The following CMPK2 variants were observed in gnomAD, a reference collection of about 807,000 sequenced individuals.
CMPK2 encodes cytidine/uridine monophosphate kinase 2.
CMPK2 carries 32 observed loss-of-function variants against 33.4 expected under a neutral mutation model. The ratio of observed to expected loss-of-function variants is 0.96; its 90% CI spans 0.72 to 1.29. The LOEUF (loss-of-function observed/expected upper bound fraction) is 1.29. CMPK2 is among the 50% of genes most tolerant of loss of function. The pLI, the probability that CMPK2 is intolerant of heterozygous loss-of-function variation, is 0.00. For missense variants in CMPK2, 672 were observed against 616.0 expected, an observed-to-expected ratio of 1.09 and a Z score of -0.96; for synonymous variants, 299 against 275.3, an observed-to-expected ratio of 1.09 and a Z score of -0.85.
At chr2:6,851,327 T>C in intron 4 of CMPK2, 123 bp downstream of exon 4, 2 of 1,508,780 alleles carry the variant, frequency 1.3e-6, no homozygotes, top group Non-Finnish European at 1.8e-6. Context: ...TTAGAGGATG[T>C]TGTCTCTTGT....
At chr2:6,859,945 A>G (rs1406759168) in intron 3 of CMPK2, among the ~76,000 whole-genome samples, 1 of 152,216 alleles carries the variant, frequency 6.6e-6, no homozygotes, top group African/African-American at 2.4e-5. Context: ...GGGGGGCTAT[A>G]CCCTGCAAAG....
chr2:6,853,245 C>T (rs573660349), intron 3 of CMPK2, among the ~76,000 whole-genome samples: 8 of 152,244 alleles, frequency 5.3e-5, no homozygotes, highest in South Asian at 2.1e-4. Flanking sequence ...GTACCATGCC[C>T]GGCCCAATTC....
At chr2:6,845,106 C>T (rs576748514), downstream of CMPK2, among the ~76,000 whole-genome samples, 1 of 152,158 alleles carries the variant, frequency 6.6e-6, no homozygotes, top group African/African-American at 2.4e-5. Context: ...TGGGTTGTCT[C>T]GCAGGGCAAA....
intron 1 of CMPK2, chr2:6,864,300 C>A (rs909301879): frequency 1.3e-5 from 2 of 152,130 alleles, no homozygotes; most frequent in African/African-American, 4.8e-5. Flanking sequence ...CTAATAAATG[C>A]CAGAGTTTAA....
intron 3 of CMPK2, among the ~76,000 whole-genome samples, chr2:6,854,845 A>C (rs1377566079): frequency 6.6e-6 from 1 of 152,094 alleles, no homozygotes; most frequent in Non-Finnish European, 1.5e-5. Flanking sequence ...TAGGCAGGGA[A>C]GGGGGCATGA....
chr2:6,854,020 GAA>G (rs1662609490), intron 3 of CMPK2, among the ~76,000 whole-genome samples: 1 of 152,124 alleles, frequency 6.6e-6, no homozygotes, highest in Admixed American at 6.5e-5. Context: ...CAGCTCCTGT[GAA>G]TTCTGCCTGG....
intron 3 of CMPK2, among the ~76,000 whole-genome samples, chr2:6,852,331 T>A (rs1027924199): frequency 6.6e-6 from 1 of 152,194 alleles, no homozygotes; most frequent in Non-Finnish European, 1.5e-5. Context: ...GTTATTACCA[T>A]ACACAAAAGT....
chr2:6,861,497 T>TAACA, intron 2 of CMPK2, 112 bp from the exon 3 acceptor site: 1 of 757,128 alleles, frequency 1.3e-6, no homozygotes, highest in Non-Finnish European at 2.2e-6. Context: ...GTAGACTAAA[T>TAACA]AACAGGATTC....
In CMPK2 at chr2:6,865,824, G is replaced by A; in HGVS notation, c.-128C>T. The A allele has an allele frequency of 1.6e-6, 2 of 1,271,232 alleles. No individual in the cohort carries two copies. The highest frequency in any genetic ancestry group is 2.0e-6 in the Non-Finnish European group (2 of 1,007,670). 78.7% of individuals were successfully genotyped at this position (1,271,232 alleles called of 1,614,324 possible). A position where few individuals can be genotyped will look rare whatever the true frequency, so the allele number is the denominator to read the frequency against. On this transcript the variant is annotated 5_prime_UTR_variant, in exon 1 of 5. Transcript: ENST00000256722. ...GGGAAACGAAAGCGAAGCGTTGCGG[G>A]GAAACGAAAGCCGGAGGCCCAGGCG...
intron 3 of CMPK2, among the ~76,000 whole-genome samples, chr2:6,843,108 G>T (rs759482788): frequency 6.6e-6 from 1 of 152,186 alleles, no homozygotes; most frequent in Non-Finnish European, 1.5e-5. Flanking sequence ...CCAAACAAGT[G>T]GGGGCTGTCT....
chr2:6,842,107 C>T (rs1662248254), intron 3 of CMPK2, among the ~76,000 whole-genome samples: 1 of 152,130 alleles, frequency 6.6e-6, no homozygotes, highest in South Asian at 2.1e-4. Flanking sequence ...CTACAGGTTC[C>T]TTGTTCTATA....
At chr2:6,850,988 T>C in intron 4 of CMPK2, 1 of 1,005,924 alleles carries the variant, frequency 9.9e-7, no homozygotes, top group Non-Finnish European at 1.2e-6. Flanking sequence ...GACAAATCAC[T>C]TAATCCTTTG....
At chr2:6,845,853 C>T (rs1218274892), downstream of CMPK2, among the ~76,000 whole-genome samples, 3 of 152,128 alleles carry the variant, frequency 2.0e-5, no homozygotes, top group Non-Finnish European at 2.9e-5. Context: ...AGAACAGGTG[C>T]CTCAAATGAG....
rs1347334757 is a variant in CMPK2 at position 6,848,527 on chromosome 2, C to T, written c.*1323G>A. 2.9e-5 allele frequency: 27 copies of T among 947,166 alleles called. No individual in the cohort carries two copies. Among genetic ancestry groups the T allele is most frequent in the Admixed American group, 1.2e-4 (2 of 16,222 alleles). The allele number at this position is 947,166 out of a possible 1,614,324, so 58.7% of individuals were successfully genotyped here. A position where few individuals can be genotyped will look rare whatever the true frequency, so the allele number is the denominator to read the frequency against. ...CTGAAATCAATTACATTTTAATATA[C>T]ACATATTATATAGAAATTACCTATA... On this transcript the variant is annotated 3_prime_UTR_variant, in exon 5 of 5. Coordinates refer to ENST00000256722, the MANE Select transcript of CMPK2 (RefSeq NM_207315.4).
chr2:6,852,449 C>T (rs1025464190), intron 3 of CMPK2, among the ~76,000 whole-genome samples: 8 of 152,172 alleles, frequency 5.3e-5, no homozygotes, highest in African/African-American at 1.7e-4. Flanking sequence ...ACCTGCTTAC[C>T]TTTTCCTCTG....
downstream of CMPK2, among the ~76,000 whole-genome samples, chr2:6,846,998 GGTGAAGTTGGA>G (rs1662377706): frequency 6.6e-6 from 1 of 152,164 alleles, no homozygotes; most frequent in South Asian, 2.1e-4. Context: ...AGACAACAAG[GGTGAAGTTGGA>G]GTGAAACTTT....
Position 6,865,175 on chromosome 2 carries a change from C to G in CMPK2, c.522G>C (p.Gln174His), listed in dbSNP as rs771226120. ...TGCCGTCTTGCACCTCCCAGAGGCGCTGCCACAGCTGGCCGCGCGGGTCGG... is the reference window on the plus strand; with the variant it reads ...TGCCGTCTTGCACCTCCCAGAGGCGGTGCCACAGCTGGCCGCGCGGGTCGG... ...FEADPRGQLW[Q>H]RLWEVQDGRR... The change falls in exon 1 of 5, where the codon CAG becomes CAC. Residue 174 changes from glutamine (Q) to histidine (H), a missense_variant. Physicochemically the swap from Gln to His is conservative, Grantham distance 24. Coordinates refer to ENST00000256722, the MANE Select transcript of CMPK2 (RefSeq NM_207315.4). 46 of 1,534,456 alleles carry G rather than the reference C, an allele frequency of 3.0e-5. No homozygotes were observed. The highest frequency in any genetic ancestry group is 7.9e-6 in the Non-Finnish European group (9 of 1,143,232).
chr2:6,865,050 C>A lies in CMPK2; in HGVS notation c.647G>T (p.Arg216Leu). Residue 216 changes from arginine to leucine, a missense_variant, in exon 1 of 5, where the codon CGG (arginine) becomes CTG (leucine). Coordinates refer to ENST00000256722, the MANE Select transcript of CMPK2 (RefSeq NM_207315.4). ...CTCCAAAACGGCCCGGGCGGCTTCC[C>A]GGTCCGGGAAGACCACGGAACTGGG... ...DLPSSVVFPD[R>L]EAARAVLEEC... The A allele has an allele frequency of 7.0e-7, 1 of 1,434,096 alleles. No homozygotes were observed. The highest frequency in any genetic ancestry group is 9.2e-7 in the Non-Finnish European group (1 of 1,092,806). 88.8% of individuals were successfully genotyped at this position (1,434,096 alleles called of 1,614,324 possible).
At position 6,861,171 on chromosome 2, in the gene CMPK2, T is replaced by C; in HGVS notation, c.992+13A>G. ...GGGAGAAAATGCCTAATTCAAGGCA[T>C]CTTTATACCTACCTGTCTACAATCA... is the stretch of plus-strand genomic sequence containing the variant. On this transcript the variant is annotated intron_variant, in intron 3 of 4. Transcript: ENST00000256722. The C allele has an allele frequency of 6.2e-7, 1 of 1,608,106 alleles. No individual in the cohort carries two copies. Among genetic ancestry groups the C allele is most frequent in the Non-Finnish European group, 8.5e-7 (1 of 1,174,728 alleles).
Sources: allele counts gnomAD v4.1 joint callset (sites outside exome capture counted in the v4.1 genomes callset), GRCh38; gene constraint gnomAD v4.1.1; transcripts MANE v1.5; gene names NCBI Gene and HGNC (gene_info 2026-07-23, HGNC 2026-07-21).